Variants in FTO observed in about 807,000 individuals in gnomAD.
The protein encoded by FTO is FTO alpha-ketoglutarate dependent dioxygenase.
Under a neutral mutation model 63.9 loss-of-function variants are expected in FTO, and 47 were observed. The ratio of observed to expected loss-of-function variants is 0.74; its 90% CI spans 0.58 to 0.94. The LOEUF (loss-of-function observed/expected upper bound fraction) is 0.94, where lower values mean the gene tolerates loss of function less well. FTO is among the 40% of genes least tolerant of loss of function. The pLI, the probability that FTO is intolerant of heterozygous loss-of-function variation, is 0.00. For missense variants in FTO, 562 were observed against 618.1 expected, an observed-to-expected ratio of 0.91 and a Z score of 0.96; for synonymous variants, 207 against 224.4, an observed-to-expected ratio of 0.92 and a Z score of 0.69.
At position 54,010,559 on chromosome 16, in the gene FTO, A is replaced by T. The variant is rs142917725; in HGVS notation, c.1364+76450A>T. 2.2e-3 allele frequency among the ~76,000 whole-genome samples: 298 copies of T among 133,644 alleles called. 1 individual carries two copies. In the South Asian group the frequency reaches 0.027, roughly 12 times the overall value. 87.7% of individuals were successfully genotyped at this position (133,644 alleles called of 152,430 possible). A position where few individuals can be genotyped will look rare whatever the true frequency, so the allele number is the denominator to read the frequency against. On this transcript the variant is annotated intron_variant, in intron 8 of 8. Transcript: ENST00000471389. ...TCAGGAGAAGACCATTCTAGCCTTT[A>T]AAATCAGTCCTGTTAAAAAAAAAAT...
chr16:53,868,997 G>A (rs2080412018), intron 4 of FTO, among the ~76,000 whole-genome samples: 1 of 151,790 alleles, frequency 6.6e-6, no homozygotes, highest in South Asian at 2.1e-4. Flanking sequence ...GCGCCCACCT[G>A]ATTTTTGTAT....
At chr16:54,100,779 C>A (rs929996901) in intron 8 of FTO, among the ~76,000 whole-genome samples, 12 of 152,288 alleles carry the variant, frequency 7.9e-5, no homozygotes, top group African/African-American at 2.9e-4. Context: ...CAACAAAAGT[C>A]TCTGATAAAC....
intron 8 of FTO, among the ~76,000 whole-genome samples, chr16:54,019,275 C>A (rs535154896): frequency 3.3e-5 from 5 of 152,288 alleles, no homozygotes; most frequent in African/African-American, 1.2e-4. Flanking sequence ...AAGATTTACT[C>A]CCAATCTGGC....
intron 1 of FTO, among the ~76,000 whole-genome samples, chr16:53,738,209 A>G (rs1037907761): frequency 2.6e-5 from 4 of 151,830 alleles, no homozygotes; most frequent in African/African-American, 9.7e-5. Flanking sequence ...TTTAGTAGAG[A>G]CGGGGTTTCT....
At chr16:53,862,490 C>A (rs2085623826) in intron 4 of FTO, among the ~76,000 whole-genome samples, 1 of 151,066 alleles carries the variant, frequency 6.6e-6, no homozygotes, top group South Asian at 2.1e-4. Context: ...CCTTGGAAAA[C>A]ATTCTTCTAG....
chr16:54,013,555 T>A (rs1362828545), intron 8 of FTO: 1 of 152,216 alleles, frequency 6.6e-6, no homozygotes. Context: ...TACAGAGAAA[T>A]CTGTCATGAA....
At chr16:54,037,392 A>G (rs1277456000) in intron 8 of FTO, among the ~76,000 whole-genome samples, 1 of 152,238 alleles carries the variant, frequency 6.6e-6, no homozygotes, top group East Asian at 1.9e-4. Context: ...GCTTTAAGGA[A>G]TAAACATAAA....
chr16:53,806,432 T>C (rs1189179272), intron 1 of FTO, among the ~76,000 whole-genome samples: 1 of 152,230 alleles, frequency 6.6e-6, no homozygotes, highest in African/African-American at 2.4e-5. Context: ...ATCACTTTAA[T>C]AGTCTGTCAT....
intron 2 of FTO, among the ~76,000 whole-genome samples, chr16:53,815,657 T>C (rs1234020913): frequency 4.4e-5 from 4 of 91,096 alleles, no homozygotes. Flanking sequence ...TTTTTTTTTT[T>C]TTTTTTTTTG....
chr16:53,877,521 T>C (rs2080691708), intron 5 of FTO, among the ~76,000 whole-genome samples: 1 of 152,182 alleles, frequency 6.6e-6, no homozygotes, highest in African/African-American at 2.4e-5. Flanking sequence ...GATTAGTGGT[T>C]GCCTAGGGTT....
At chr16:53,908,550 G>C (rs74344719) in intron 7 of FTO, among the ~76,000 whole-genome samples, 1 of 152,222 alleles carries the variant, frequency 6.6e-6, no homozygotes, top group African/African-American at 2.4e-5. Flanking sequence ...TGTCAGGAAG[G>C]TCTGGTGCCA....
rs559843623 is a variant in FTO at position 53,960,733 on chromosome 16, A to G, written c.1364+26624A>G. On this transcript the variant is annotated intron_variant, in intron 8 of 8. Coordinates refer to ENST00000471389, the MANE Select transcript of FTO (RefSeq NM_001080432.3). ...AAATGGGGGTGGGGGGGGCGCGGTT[A>G]CCTGAGATAAAACCAAAGGGCCCAA... Among the ~76,000 whole-genome samples the G allele has an allele frequency of 1.1e-3, 164 of 151,554 alleles. 2 individuals are homozygous for G. Among genetic ancestry groups the G allele is most frequent in the Middle Eastern group, 3.4e-3 (1 of 294 alleles).
At chr16:54,111,376 T>C (rs767988448) in intron 8 of FTO, among the ~76,000 whole-genome samples, 3 of 152,194 alleles carry the variant, frequency 2.0e-5, no homozygotes, top group Non-Finnish European at 4.4e-5. Flanking sequence ...TTCCCAGTAA[T>C]CTAGTAATAC....
At chr16:53,882,787 A>G (rs2080872882) in intron 6 of FTO, among the ~76,000 whole-genome samples, 1 of 152,254 alleles carries the variant, frequency 6.6e-6, no homozygotes, top group South Asian at 2.1e-4. Flanking sequence ...CCATGGCAAC[A>G]TATAATATCT....
At chr16:54,002,069 G>A (rs1462354031) in intron 8 of FTO, among the ~76,000 whole-genome samples, 1 of 152,208 alleles carries the variant, frequency 6.6e-6, no homozygotes, top group African/African-American at 2.4e-5. Context: ...GAGAAGATTT[G>A]GGAGAAGACA....
chr16:54,018,025 C>A (rs541775684), intron 8 of FTO, among the ~76,000 whole-genome samples: 1 of 151,952 alleles, frequency 6.6e-6, no homozygotes, highest in African/African-American at 2.4e-5. Context: ...TGGGCTCTGA[C>A]ACGTACACAC....
At chr16:53,984,190 G>C (rs1186757643) in intron 8 of FTO, among the ~76,000 whole-genome samples, 1 of 152,030 alleles carries the variant, frequency 6.6e-6, no homozygotes, top group Non-Finnish European at 1.5e-5. Context: ...CTTCGTTAAG[G>C]CCAACTTTTA....
chr16:53,879,106 T>G (rs1181696651), intron 5 of FTO, among the ~76,000 whole-genome samples: 1 of 152,218 alleles, frequency 6.6e-6, no homozygotes, highest in Non-Finnish European at 1.5e-5. Context: ...GCATTTGAGA[T>G]AAAAAGTCAG....
intron 3 of FTO, among the ~76,000 whole-genome samples, chr16:53,842,632 C>T (rs1450800111): frequency 6.6e-6 from 1 of 152,066 alleles, no homozygotes; most frequent in East Asian, 1.9e-4. Flanking sequence ...AAAAATCAGT[C>T]TTGAGTATCC....
Sources: gnomAD v4.1 joint callset for allele counts (sites outside exome capture counted in the v4.1 genomes callset) on GRCh38, gnomAD v4.1.1 for gene constraint, MANE v1.5 for transcripts, NCBI Gene and HGNC (gene_info 2026-07-23, HGNC 2026-07-21) for gene names.